EDARADD: variants seen among roughly 807,000 people sequenced by gnomAD.
EDARADD encodes EDAR associated via death domain.
A neutral mutation model predicts 25.6 loss-of-function variants in EDARADD; 20 were observed. The ratio of observed to expected loss-of-function variants is 0.78; its 90% CI spans 0.55 to 1.14. EDARADD has a LOEUF of 1.14. EDARADD is among the 50% of genes most tolerant of loss of function. The probability of loss-of-function intolerance (pLI) is 0.00; values close to 1 mark genes in which losing one functional copy is unlikely to be tolerated. For synonymous variants in EDARADD, 86 were observed against 94.4 expected (o/e 0.91, Z 0.52); for missense variants, 225 against 270.1 (o/e 0.83, Z 1.17).
In EDARADD at chr1:236,414,310, T is replaced by C. The variant is rs758589893; in HGVS notation, c.160+11T>C. 1 of 1,595,484 alleles carries C rather than the reference T, an allele frequency of 6.3e-7. No individual in the cohort carries two copies. The highest frequency in any genetic ancestry group is 1.1e-5 in the South Asian group (1 of 90,252). On this transcript the variant is annotated intron_variant, in intron 3 of 5. Transcript: ENST00000334232. ...CGGAACTCCCTAAAGGTATGTACAGTTAAAATAACTACTTGAACATGTGAT... is the reference window on the plus strand; with the variant it reads ...CGGAACTCCCTAAAGGTATGTACAGCTAAAATAACTACTTGAACATGTGAT...
intron 2 of EDARADD, among the ~76,000 whole-genome samples, chr1:236,349,519 C>T (rs1348496501): frequency 1.4e-5 from 2 of 140,334 alleles, no homozygotes; most frequent in South Asian, 2.3e-4. Context: ...TTCAGAAAGG[C>T]GGGACAACTC....
At chr1:236,391,725 T>A (rs1156653560), upstream of EDARADD, among the ~76,000 whole-genome samples, 2 of 152,250 alleles carry the variant, frequency 1.3e-5, no homozygotes, top group Non-Finnish European at 1.5e-5. Context: ...CAAAAACATG[T>A]ATTCTGTGAT....
In EDARADD at chr1:236,394,354, C is replaced by G. The variant is rs748937777; in HGVS notation, c.-91C>G. The G allele has an allele frequency of 1.1e-5, 16 of 1,406,304 alleles. No homozygotes were observed. In the Admixed American group the frequency reaches 1.5e-4, roughly 13 times the overall value. 87.1% of individuals were successfully genotyped at this position (1,406,304 alleles called of 1,614,324 possible). On this transcript the variant is annotated 5_prime_UTR_variant, in exon 1 of 6. Coordinates refer to ENST00000334232, the MANE Select transcript of EDARADD (RefSeq NM_145861.4). ...GAGCTTTCATCTAGAAGGTTTGACT[C>G]TGGCCAGACAACCAGCGAGCATCTT...
intron 1 of EDARADD, among the ~76,000 whole-genome samples, chr1:236,399,174 G>A (rs1186442335): frequency 6.6e-6 from 1 of 152,018 alleles, no homozygotes; most frequent in East Asian, 1.9e-4. Flanking sequence ...TGAGTTAATT[G>A]TATTTATTTA....
chr1:236,374,604 A>G (rs1217975782), intron 3 of EDARADD, among the ~76,000 whole-genome samples: 1 of 152,114 alleles, frequency 6.6e-6, no homozygotes, highest in Non-Finnish European at 1.5e-5. Context: ...GTGCATACAC[A>G]TTAAGGATTG....
chr1:236,431,585 A>G (rs1658095121), intron 4 of EDARADD, among the ~76,000 whole-genome samples: 1 of 152,208 alleles, frequency 6.6e-6, no homozygotes, highest in Non-Finnish European at 1.5e-5. Flanking sequence ...TGAACTGGGT[A>G]TTCTTGGACA....
chr1:236,425,324 C>G (rs578198452), intron 3 of EDARADD, among the ~76,000 whole-genome samples: 13 of 152,240 alleles, frequency 8.5e-5, no homozygotes, highest in African/African-American at 3.1e-4. Flanking sequence ...CCTCGATGCC[C>G]CTGGGGGTCA....
chr1:236,427,571 G>T (rs1657958262), intron 4 of EDARADD, 121 bp downstream of exon 4: 1 of 972,456 alleles, frequency 1.0e-6, no homozygotes, highest in East Asian at 2.6e-5. Context: ...TCATAAACAG[G>T]GTTTGCAAAT....
intron 3 of EDARADD, among the ~76,000 whole-genome samples, chr1:236,365,481 T>G (rs753609641): frequency 2.6e-5 from 4 of 152,092 alleles, no homozygotes; most frequent in Non-Finnish European, 5.9e-5. Flanking sequence ...TTTTTTATAT[T>G]TTGTAGAGAC....
Position 236,468,240 on chromosome 1 carries a change from A to C in EDARADD, c.229A>C (p.Asn77His), listed in dbSNP as rs1366428972. 1.2e-6 allele frequency: 2 copies of C among 1,614,112 alleles called. No homozygotes were observed. Among genetic ancestry groups the C allele is most frequent in the Non-Finnish European group, 1.7e-6 (2 of 1,179,982 alleles). ...GCTTTTTGGTTTTTAGGGAGAAGAA[A>C]ATGGCTTTCCAGATAGCACTGGAGA... ...NSDMKNQGEENGFPDSTGDPL... is the reference protein window; with the variant it reads ...NSDMKNQGEEHGFPDSTGDPL... Residue 77 changes from asparagine (N) to histidine (H), a missense_variant, in exon 5 of 6, where the codon AAT becomes CAT. Asn to His is a moderately conservative substitution (Grantham distance 68). Coordinates refer to ENST00000334232, the MANE Select transcript of EDARADD (RefSeq NM_145861.4).
intron 4 of EDARADD, among the ~76,000 whole-genome samples, chr1:236,466,470 C>T (rs1659193247): frequency 6.6e-6 from 1 of 151,850 alleles, no homozygotes; most frequent in Non-Finnish European, 1.5e-5. Flanking sequence ...CTCACACTCA[C>T]ACACTCCTGA....
chr1:236,425,864 G>A (rs1314121186), intron 3 of EDARADD, among the ~76,000 whole-genome samples: 2 of 152,244 alleles, frequency 1.3e-5, no homozygotes, highest in Non-Finnish European at 2.9e-5. Flanking sequence ...TATTAGTGAA[G>A]TTGGTTAGCC....
chr1:236,373,192 G>A (rs866308902), intron 3 of EDARADD, among the ~76,000 whole-genome samples: 9 of 151,112 alleles, frequency 6.0e-5, no homozygotes, highest in Admixed American at 6.6e-5. Context: ...TGGGATTACA[G>A]GCGTGAGCCA....
At chr1:236,389,657 A>G (rs1558107045), upstream of EDARADD, among the ~76,000 whole-genome samples, 1 of 152,148 alleles carries the variant, frequency 6.6e-6, no homozygotes, top group Non-Finnish European at 1.5e-5. Context: ...AATTTTATGT[A>G]TGTATGCAAA....
chr1:236,375,409 A>C (rs1207566607), intron 3 of EDARADD, among the ~76,000 whole-genome samples: 2 of 152,128 alleles, frequency 1.3e-5, no homozygotes, highest in African/African-American at 2.4e-5. Context: ...TAATCCCAGC[A>C]CTTTGGGAGG....
upstream of EDARADD, among the ~76,000 whole-genome samples, chr1:236,393,395 T>C (rs372346375): frequency 5.5e-4 from 61 of 110,374 alleles, no homozygotes; most frequent in Middle Eastern, 4.4e-3. Flanking sequence ...TTCTTTCTTT[T>C]TTTTTTTTTT....
intron 1 of EDARADD, among the ~76,000 whole-genome samples, chr1:236,403,438 C>G (rs1451483787): frequency 6.6e-6 from 1 of 152,006 alleles, no homozygotes; most frequent in East Asian, 1.9e-4. Context: ...CAGGTGCCCG[C>G]CACCATGCCC....
At chr1:236,401,413 C>T (rs956018267) in intron 1 of EDARADD, among the ~76,000 whole-genome samples, 1 of 152,084 alleles carries the variant, frequency 6.6e-6, no homozygotes, top group Non-Finnish European at 1.5e-5. Context: ...TTTGAGAAAC[C>T]GTCTCTAGGA....
intron 5 of EDARADD, 48 bp from the exon 6 acceptor site, chr1:236,482,219 A>G (rs1470444389): frequency 1.2e-6 from 2 of 1,611,090 alleles, no homozygotes; most frequent in East Asian, 2.2e-5. Context: ...ATGAATGCAT[A>G]TGTTAGGCCT....
Sources: allele counts gnomAD v4.1 joint callset (sites outside exome capture counted in the v4.1 genomes callset), GRCh38; gene constraint gnomAD v4.1.1; transcripts MANE v1.5; gene names NCBI Gene and HGNC (gene_info 2026-07-23, HGNC 2026-07-21).